The following IRGM variants were observed in gnomAD, a reference collection of about 807,000 sequenced individuals.
IRGM encodes the protein immunity related GTPase M.
For synonymous variants in IRGM, 98 were observed against 80.6 expected (o/e 1.22, Z -1.16); for missense variants, 288 against 219.9 (o/e 1.31, Z -1.96).
downstream of IRGM, among the ~76,000 whole-genome samples, chr5:150,850,717 G>C (rs1372631807): frequency 6.6e-6 from 1 of 152,104 alleles, no homozygotes; most frequent in Admixed American, 6.5e-5. Flanking sequence ...ATTATGCCTG[G>C]CTGATTTTTA....
intron 2 of IRGM, among the ~76,000 whole-genome samples, chr5:150,878,340 CA>C (rs1256402387): frequency 6.6e-6 from 1 of 152,098 alleles, no homozygotes; most frequent in Non-Finnish European, 1.5e-5. Flanking sequence ...ATAGATGTGA[CA>C]TACTTAGGAC....
chr5:150,896,788 C>T (rs1754803155), intron 3 of IRGM: 1 of 1,613,742 alleles, frequency 6.2e-7, no homozygotes, highest in Admixed American at 1.7e-5. Flanking sequence ...TTGCTGTTAA[C>T]AAATGTGACC....
At chr5:150,865,566 C>T (rs1349615692) in intron 1 of IRGM, among the ~76,000 whole-genome samples, 1 of 152,108 alleles carries the variant, frequency 6.6e-6, no homozygotes, top group Non-Finnish European at 1.5e-5. Context: ...GATGTTATTG[C>T]CCTACTTACA....
intron 3 of IRGM, chr5:150,898,060 C>T (rs1487401835): frequency 6.2e-7 from 1 of 1,609,036 alleles, no homozygotes; most frequent in East Asian, 2.2e-5. Flanking sequence ...TATTTCACTT[C>T]CCTTGTCTCC....
At chr5:150,895,519 C>T in intron 3 of IRGM, 1 of 1,613,552 alleles carries the variant, frequency 6.2e-7, no homozygotes, top group Non-Finnish European at 8.5e-7. Flanking sequence ...TAGGGTCTTT[C>T]CCCAGTATGA....
At chr5:150,863,986 G>A (rs1021182674) in intron 1 of IRGM, among the ~76,000 whole-genome samples, 8 of 152,112 alleles carry the variant, frequency 5.3e-5, no homozygotes, top group Non-Finnish European at 4.4e-5. Flanking sequence ...CCATTATCTT[G>A]AGCCATAGGT....
intron 1 of IRGM, among the ~76,000 whole-genome samples, chr5:150,859,222 G>T (rs1478162636): frequency 6.6e-6 from 1 of 152,064 alleles, no homozygotes; most frequent in African/African-American, 2.4e-5. Flanking sequence ...TATATGCTGG[G>T]TTACATTTAT....
At chr5:150,869,502 T>A (rs1161415293) in intron 1 of IRGM, among the ~76,000 whole-genome samples, 2 of 152,130 alleles carry the variant, frequency 1.3e-5, no homozygotes, top group African/African-American at 4.8e-5. Context: ...ATAGAATGAT[T>A]TAGAGAGGAT....
intron 3 of IRGM, chr5:150,895,987 A>C (rs1754754289): frequency 3.7e-6 from 6 of 1,613,526 alleles, no homozygotes; most frequent in Non-Finnish European, 5.1e-6. Flanking sequence ...TTCTCACAGA[A>C]GGCTTTCCCA....
At chr5:150,877,931 G>T (rs184727513) in intron 1 of IRGM, 16 of 439,994 alleles carry the variant, frequency 3.6e-5, no homozygotes, top group Admixed American at 2.4e-4. Flanking sequence ...TTGTTTGCAT[G>T]TTTAAATCAA....
downstream of IRGM, among the ~76,000 whole-genome samples, chr5:150,850,955 C>A (rs2113251283): frequency 6.6e-6 from 1 of 152,266 alleles, no homozygotes; most frequent in East Asian, 1.9e-4. Flanking sequence ...TTTTAATGAG[C>A]ATTTTCAAAT....
chr5:150,861,217 G>A (rs919814796), intron 1 of IRGM, among the ~76,000 whole-genome samples: 1 of 152,130 alleles, frequency 6.6e-6, no homozygotes, highest in African/African-American at 2.4e-5. Context: ...CTATAGGCTG[G>A]GATTTTACAT....
At chr5:150,874,348 G>T (rs1475572234) in intron 1 of IRGM, among the ~76,000 whole-genome samples, 1 of 152,122 alleles carries the variant, frequency 6.6e-6, no homozygotes, top group African/African-American at 2.4e-5. Flanking sequence ...TGGATTTGTT[G>T]GTGGGACATT....
intron 3 of IRGM, among the ~76,000 whole-genome samples, chr5:150,893,008 T>A (rs1014045444): frequency 1.3e-5 from 2 of 152,150 alleles, no homozygotes; most frequent in African/African-American, 2.4e-5. Flanking sequence ...AGCGTTTTTT[T>A]ATTCTAACCT....
downstream of IRGM, among the ~76,000 whole-genome samples, chr5:150,851,626 T>C (rs1753976906): frequency 6.6e-6 from 1 of 152,252 alleles, no homozygotes; most frequent in Admixed American, 6.5e-5. Flanking sequence ...TGTATATTTC[T>C]GAATCTTGCT....
chr5:150,848,240 A>T lies in IRGM; in HGVS notation c.117A>T (p.Ala39=), dbSNP rs1413923579. The change falls in exon 2 of 2, where the codon GCA becomes GCT. Residue 39 remains alanine (A), a synonymous_variant. Transcript: ENST00000522154. The part of the protein sequence containing the change: ...VSRTPVNITM[A]GDSGNGMSTF... ...GGACACCAGTTAACATCACTATGGC[A>T]GGGGACTCTGGCAATGGGATGTCCA... 2 of 1,551,854 alleles carry T rather than the reference A, an allele frequency of 1.3e-6. No individual in the cohort carries two copies. The highest frequency in any genetic ancestry group is 2.0e-5 in the Admixed American group (1 of 51,008).
chr5:150,877,050 C>T (rs994037924), intron 1 of IRGM, among the ~76,000 whole-genome samples: 3 of 151,940 alleles, frequency 2.0e-5, no homozygotes, highest in South Asian at 2.1e-4. Context: ...TCCAGTTGTA[C>T]GAAGAATAGT....
chr5:150,856,911 ATATTTATTATTTAT>A (rs987022403), intron 1 of IRGM, among the ~76,000 whole-genome samples: 1 of 70,708 alleles, frequency 1.4e-5, no homozygotes, highest in Non-Finnish European at 2.5e-5. Flanking sequence ...AAATAAATAA[ATATTTATTATTTAT>A]TATTTATTAT....
intron 1 of IRGM, among the ~76,000 whole-genome samples, chr5:150,868,956 C>T (rs1232504238): frequency 1.3e-5 from 2 of 151,978 alleles, no homozygotes; most frequent in Non-Finnish European, 2.9e-5. Flanking sequence ...TTCTCTTTAC[C>T]GATTTGGATG....
Sources: allele counts gnomAD v4.1 joint callset (sites outside exome capture counted in the v4.1 genomes callset), GRCh38; gene constraint gnomAD v4.1.1; transcripts MANE v1.5; gene names NCBI Gene and HGNC (gene_info 2026-07-23, HGNC 2026-07-21).